Variants in AOPEP observed in about 807,000 individuals in gnomAD.
The protein encoded by AOPEP is aminopeptidase O (putative).
AOPEP carries 77 observed loss-of-function variants against 98.1 expected under a neutral mutation model. That is an observed-to-expected ratio of 0.78 (90% CI 0.65 to 0.95). The LOEUF is 0.95. AOPEP is among the 40% of genes least tolerant of loss of function. AOPEP has a pLI of 0.00. For synonymous variants in AOPEP, 346 were observed against 365.3 expected, an observed-to-expected ratio of 0.95 and a Z score of 0.60; for missense variants, 1,024 against 1,024.7, an observed-to-expected ratio of 1.00 and a Z score of 0.01.
At chr9:94,738,756 A>G (rs1459168642) in intron 1 of AOPEP, among the ~76,000 whole-genome samples, 3 of 151,686 alleles carry the variant, frequency 2.0e-5, no homozygotes, top group Non-Finnish European at 1.5e-5. Flanking sequence ...TTGTATTTTT[A>G]GTAGAGACGG....
the AOPEP span, chr9:95,110,484 A>C: frequency 9.7e-7 from 1 of 1,030,780 alleles, no homozygotes; most frequent in Non-Finnish European, 1.2e-6. Context: ...TTAATCAGAC[A>C]GCAATCCTCA....
At chr9:94,943,838 T>G (rs2057298360) in intron 7 of AOPEP, among the ~76,000 whole-genome samples, 1 of 141,248 alleles carries the variant, frequency 7.1e-6, no homozygotes, top group African/African-American at 2.6e-5. Flanking sequence ...GAGAATCACT[T>G]GAACCCGAGG....
At chr9:95,068,554 C>T (rs559062982) in intron 14 of AOPEP, among the ~76,000 whole-genome samples, 3 of 152,134 alleles carry the variant, frequency 2.0e-5, no homozygotes, top group Non-Finnish European at 4.4e-5. Flanking sequence ...TTTATATAGT[C>T]TAGATACGAG....
At chr9:95,061,067 TG>T in intron 14 of AOPEP, 1 of 332,764 alleles carries the variant, frequency 3.0e-6, no homozygotes, top group Non-Finnish European at 5.6e-6. Context: ...ATGAGTGGAA[TG>T]TTTTTGAGTT....
the AOPEP span, chr9:95,125,121 A>G: frequency 6.2e-7 from 1 of 1,614,258 alleles, no homozygotes; most frequent in Non-Finnish European, 8.5e-7. Flanking sequence ...TCTACAAAGC[A>G]CTGCGTAAAC....
chr9:94,946,421 G>A (rs1321012395), intron 7 of AOPEP, among the ~76,000 whole-genome samples: 2 of 152,114 alleles, frequency 1.3e-5, no homozygotes, highest in Non-Finnish European at 2.9e-5. Context: ...AGCAGTTCCA[G>A]GATCCAGGTC....
chr9:94,992,555 T>C (rs954987155), intron 11 of AOPEP, among the ~76,000 whole-genome samples: 5 of 152,298 alleles, frequency 3.3e-5, no homozygotes, highest in East Asian at 1.9e-4. Context: ...CAGAGTTCTT[T>C]ATTATGAAGT....
At chr9:95,117,320 G>T in the AOPEP span, 2 of 1,614,008 alleles carry the variant, frequency 1.2e-6, no homozygotes, top group Admixed American at 1.7e-5. Context: ...CTCACCTTGA[G>T]GGTCTTGCAG....
intron 7 of AOPEP, among the ~76,000 whole-genome samples, chr9:94,950,507 A>T (rs947237658): frequency 1.3e-5 from 2 of 152,144 alleles, no homozygotes; most frequent in Non-Finnish European, 2.9e-5. Context: ...TGCAGGTCTC[A>T]CCTGTGCATC....
chr9:95,104,556 A>C, the AOPEP span, among the ~76,000 whole-genome samples: 1 of 151,916 alleles, frequency 6.6e-6, no homozygotes, highest in Admixed American at 6.6e-5. Context: ...CATCTGGCTT[A>C]CTCCCAGCAA....
At chr9:95,082,111 G>T (rs1164539941) in intron 15 of AOPEP, among the ~76,000 whole-genome samples, 1 of 152,110 alleles carries the variant, frequency 6.6e-6, no homozygotes, top group African/African-American at 2.4e-5. Flanking sequence ...GCTGCTGCCT[G>T]CTGTGCTCTT....
chr9:94,781,918 G>A (rs1843345844), intron 3 of AOPEP, among the ~76,000 whole-genome samples: 1 of 150,976 alleles, frequency 6.6e-6, no homozygotes, highest in African/African-American at 2.4e-5. Context: ...AGGGCTGGGT[G>A]CCATGGCTCA....
chr9:95,083,016 T>G (rs534776519), intron 16 of AOPEP: 1 of 305,978 alleles, frequency 3.3e-6, no homozygotes, highest in East Asian at 7.6e-5. Flanking sequence ...TATAATCTGT[T>G]GAAACAAAAA....
At chr9:94,859,969 A>G (rs916545666) in intron 5 of AOPEP, among the ~76,000 whole-genome samples, 2 of 152,228 alleles carry the variant, frequency 1.3e-5, no homozygotes, top group African/African-American at 2.4e-5. Flanking sequence ...CCTGTCTTCA[A>G]GGGGCTTATA....
At chr9:95,077,479 C>T (rs74844961) in intron 14 of AOPEP, among the ~76,000 whole-genome samples, 1,856 of 152,282 alleles carry the variant, frequency 0.012, 49 homozygotes, top group African/African-American at 0.039. Flanking sequence ...GTCCTGGGAG[C>T]ATGCGCTGTC....
intron 2 of AOPEP, among the ~76,000 whole-genome samples, chr9:94,762,927 T>A (rs1180281703): frequency 6.6e-6 from 1 of 152,246 alleles, no homozygotes; most frequent in Non-Finnish European, 1.5e-5. Flanking sequence ...TGAATATAAT[T>A]GTGTGAAAAT....
chr9:94,843,285 G>C (rs1409628000), intron 5 of AOPEP, among the ~76,000 whole-genome samples: 1 of 152,118 alleles, frequency 6.6e-6, no homozygotes, highest in East Asian at 1.9e-4. Flanking sequence ...CTTTCCTGCT[G>C]CCTAGCAAGC....
At chr9:95,105,226 C>T in the AOPEP span, among the ~76,000 whole-genome samples, 1 of 152,184 alleles carries the variant, frequency 6.6e-6, no homozygotes, top group East Asian at 1.9e-4. Context: ...GAGACAATCT[C>T]CTGGCCCTGG....
At chr9:94,785,775 T>A (rs1212849075) in intron 3 of AOPEP, among the ~76,000 whole-genome samples, 1 of 152,006 alleles carries the variant, frequency 6.6e-6, no homozygotes, top group Admixed American at 6.6e-5. Flanking sequence ...GCAAAGGGAG[T>A]CTAGTGCAAG....
Sources: gnomAD v4.1 joint callset for allele counts (sites outside exome capture counted in the v4.1 genomes callset) on GRCh38, gnomAD v4.1.1 for gene constraint, MANE v1.5 for transcripts, NCBI Gene and HGNC (gene_info 2026-07-23, HGNC 2026-07-21) for gene names.